FBXO17: variants seen among roughly 807,000 people sequenced by gnomAD.
FBXO17 encodes the protein F-box only protein 17.
A neutral mutation model predicts 34.1 loss-of-function variants in FBXO17; 43 were observed. That is an observed-to-expected ratio of 1.26 (90% confidence interval 0.99 to 1.62). The LOEUF is 1.62. FBXO17 is among the 40% of genes most tolerant of loss of function. FBXO17 has a pLI of 0.00. For missense variants in FBXO17, 424 were observed against 386.7 expected (o/e 1.10, Z -0.81); for synonymous variants, 169 against 166.0 (o/e 1.02, Z -0.14).
chr19:38,950,251 C>A lies in FBXO17; in HGVS notation c.69G>T (p.Pro23=). 6.6e-7 allele frequency: 1 copy of A among 1,513,320 alleles called. No homozygotes were observed. The highest frequency in any genetic ancestry group is 2.6e-5 in the East Asian group (1 of 38,242). The allele number at this position is 1,513,320 out of a possible 1,614,324, so 93.7% of individuals were successfully genotyped here. Residue 23 remains proline, a synonymous_variant, in exon 2 of 6, where the codon CCG becomes CCT. Coordinates refer to ENST00000292852, the MANE Select transcript of FBXO17 (RefSeq NM_024907.7). ...GGCTCAGCACCTGCACCAGCAGCTC[C>A]GGGGGCAGCGCGTCCAGGGCCAGGG... ...DPSLALDALP[P]ELLVQVLSHV...
chr19:38,944,859 G>C (rs1974949059), intron 5 of FBXO17, 110 bp downstream of exon 5: 3 of 1,469,480 alleles, frequency 2.0e-6, no homozygotes, highest in African/African-American at 1.4e-5. Context: ...CTTCTTAGCT[G>C]TTATGATTAT....
At chr19:38,958,367 C>T (rs1328303124) in intron 1 of FBXO17, among the ~76,000 whole-genome samples, 1 of 137,064 alleles carries the variant, frequency 7.3e-6, no homozygotes, top group African/African-American at 2.7e-5. Context: ...GAGATTGTGC[C>T]ACTGCACTCT....
rs1230687497 is a variant in FBXO17, at chr19:38,950,119, G to A, written c.201C>T (p.Arg67=). Reference sequence around the variant, plus strand: ...CGTAGAGTGCGCGGCCCTCGGCGCTGCGGTCGCGGGCCAGCTGCAGCAGCC... The same window carrying A: ...CGTAGAGTGCGCGGCCCTCGGCGCTACGGTCGCGGGCCAGCTGCAGCAGCC... ...TVWLLQLARD[R]SAEGRALYAV... Residue 67 remains arginine (R), a synonymous_variant, in exon 2 of 6, where the codon CGC becomes CGT. Coordinates refer to ENST00000292852, the MANE Select transcript of FBXO17 (RefSeq NM_024907.7). 1.3e-6 allele frequency: 2 copies of A among 1,560,646 alleles called. No homozygotes were observed. The highest frequency in any genetic ancestry group is 4.8e-5 in the East Asian group (2 of 41,588).
intron 1 of FBXO17, among the ~76,000 whole-genome samples, chr19:38,954,328 G>A (rs1975130483): frequency 6.6e-6 from 1 of 152,134 alleles, no homozygotes; most frequent in African/African-American, 2.4e-5. Context: ...GGAGTGCAGT[G>A]GCGCGATTTC....
intron 1 of FBXO17, among the ~76,000 whole-genome samples, chr19:38,959,489 G>A (rs1189355012): frequency 6.7e-6 from 1 of 148,958 alleles, no homozygotes; most frequent in African/African-American, 2.5e-5. Context: ...ATTTCACCAT[G>A]TTGGCCAGGC....
Position 38,942,674 on chromosome 19 carries a change from G to C in FBXO17, c.771C>G (p.Ser257=). The change falls in exon 6 of 6, where the codon TCC becomes TCG. Residue 257 remains serine, a synonymous_variant. Coordinates refer to ENST00000292852, the MANE Select transcript of FBXO17 (RefSeq NM_024907.7). ...CAAGGGCGCCATAGTGCCCCACCCA[G>C]GAACTCACGTCTCTCCCGTACTGCT... ...SFEQYGRDVS[S]WVGHYGALVT... is the part of the protein sequence containing the mutation. The C allele has an allele frequency of 1.2e-6, 2 of 1,602,110 alleles. No individual in the cohort carries two copies. The highest frequency in any genetic ancestry group is 1.7e-6 in the Non-Finnish European group (2 of 1,175,382).
chr19:38,956,443 C>G (rs1400032081), intron 1 of FBXO17, among the ~76,000 whole-genome samples: 1 of 152,060 alleles, frequency 6.6e-6, no homozygotes, highest in Non-Finnish European at 1.5e-5. Flanking sequence ...ATCATTAAAG[C>G]CTCTTAACCA....
rs1450784456 is a variant in FBXO17, at chr19:38,949,983, A to G, written c.337T>C (p.Ser113Pro). 1.9e-6 allele frequency: 3 copies of G among 1,542,538 alleles called. No individual in the cohort carries two copies. Among genetic ancestry groups the G allele is most frequent in the Admixed American group, 2.0e-5 (1 of 50,774 alleles). ...CCCCGTCACCCACGCTCTCCGCAGGAGTTGAAGATGAGATTGCGGCCGAAG... is the reference window on the plus strand; with the variant it reads ...CCCCGTCACCCACGCTCTCCGCAGGGGTTGAAGATGAGATTGCGGCCGAAG... ...APFGRNLIFNSCGEQGFRGWE... is the reference protein window; with the variant it reads ...APFGRNLIFNPCGEQGFRGWE... The change falls in exon 2 of 6, where the codon TCC becomes CCC. Residue 113 changes from serine to proline, a missense_variant. Ser to Pro is a moderately conservative substitution (Grantham distance 74). Transcript: ENST00000292852.
In FBXO17 at chr19:38,952,316, C is replaced by A. The variant is rs565078575; in HGVS notation, c.-17-1980G>T. Among the ~76,000 whole-genome samples, 63 of 152,306 alleles carry A rather than the reference C, an allele frequency of 4.1e-4. 1 individual carries two copies. Among genetic ancestry groups the A allele is most frequent in the African/African-American group, 1.4e-3 (59 of 41,564 alleles). On this transcript the variant is annotated intron_variant, in intron 1 of 5. Coordinates refer to ENST00000292852, the MANE Select transcript of FBXO17 (RefSeq NM_024907.7). ...TACAGACCCACAAGGAAACCCACTG[C>A]GGAAGAAACCATTTCTACCCCATAC...
intron 1 of FBXO17, 140 bp from the exon 2 acceptor site, chr19:38,950,476 T>C: frequency 8.2e-7 from 1 of 1,212,438 alleles, no homozygotes; most frequent in Non-Finnish European, 1.1e-6. Context: ...TTTCCCTCTC[T>C]GATCCTAGGC....
intron 1 of FBXO17, among the ~76,000 whole-genome samples, chr19:38,956,908 ATGATG>A (rs1205635151): frequency 1.3e-5 from 2 of 152,150 alleles, no homozygotes; most frequent in African/African-American, 4.8e-5. Context: ...CTTTTTAAAA[ATGATG>A]TGTCATAATA....
intron 1 of FBXO17, among the ~76,000 whole-genome samples, chr19:38,958,355 C>T (rs1353611492): frequency 7.5e-6 from 1 of 132,678 alleles, no homozygotes; most frequent in Non-Finnish European, 1.5e-5. Context: ...TTGTGGTAAG[C>T]TGAGATTGTG....
intron 1 of FBXO17, among the ~76,000 whole-genome samples, chr19:38,955,854 C>T (rs1371227657): frequency 6.6e-6 from 1 of 152,026 alleles, no homozygotes; most frequent in African/African-American, 2.4e-5. Context: ...CCTCAGTTTC[C>T]CTTTCTGAAA....
chr19:38,956,725 C>T (rs1267863327), intron 1 of FBXO17, among the ~76,000 whole-genome samples: 3 of 151,842 alleles, frequency 2.0e-5, no homozygotes, highest in Non-Finnish European at 2.9e-5. Flanking sequence ...ACTAAAAATA[C>T]AAAAATTAGC....
intron 1 of FBXO17, among the ~76,000 whole-genome samples, chr19:38,951,489 T>A (rs1438876664): frequency 6.7e-6 from 1 of 150,214 alleles, no homozygotes; most frequent in Non-Finnish European, 1.5e-5. Flanking sequence ...CACCTCTTGA[T>A]CACAATGCCC....
intron 1 of FBXO17, among the ~76,000 whole-genome samples, chr19:38,955,842 T>G (rs901752037): frequency 4.6e-5 from 7 of 152,180 alleles, no homozygotes; most frequent in African/African-American, 1.7e-4. Context: ...AATCTCTTTA[T>G]ACCTCAGTTT....
At chr19:38,949,683 C>T (rs1306766964) in intron 2 of FBXO17, 7 of 540,478 alleles carry the variant, frequency 1.3e-5, no homozygotes, top group East Asian at 6.5e-5. Context: ...CGCGCCTGGC[C>T]CCTGTCCTGT....
At chr19:38,961,679 T>G (rs938738360) in intron 1 of FBXO17, among the ~76,000 whole-genome samples, 1 of 152,064 alleles carries the variant, frequency 6.6e-6, no homozygotes, top group African/African-American at 2.4e-5. Context: ...GTTTTGTTTT[T>G]GAGACGTAGT....
intron 1 of FBXO17, among the ~76,000 whole-genome samples, chr19:38,964,788 A>C (rs577141987): frequency 6.6e-6 from 1 of 151,934 alleles, no homozygotes; most frequent in Non-Finnish European, 1.5e-5. Context: ...GAAAAGAAAA[A>C]AAAATTGCAT....
Sources: gnomAD v4.1 joint callset for allele counts (sites outside exome capture counted in the v4.1 genomes callset) on GRCh38, gnomAD v4.1.1 for gene constraint, MANE v1.5 for transcripts, NCBI Gene and HGNC (gene_info 2026-07-23, HGNC 2026-07-21) for gene names.